The following PCDHGA2 variants were observed in gnomAD, a reference collection of about 807,000 sequenced individuals.
The protein encoded by PCDHGA2 is protocadherin gamma-A2.
A neutral mutation model predicts 59.2 loss-of-function variants in PCDHGA2; 40 were observed. The observed-to-expected ratio is 0.68, with a 90% CI of 0.52 to 0.88. The LOEUF is 0.88. Ranked by LOEUF, PCDHGA2 falls within the 40% of genes least tolerant of loss-of-function variation. The probability of loss-of-function intolerance (pLI) is 0.00; values close to 1 mark genes in which losing one functional copy is unlikely to be tolerated. For synonymous variants in PCDHGA2, 560 were observed against 526.0 expected, an observed-to-expected ratio of 1.06 and a Z score of -0.89; for missense variants, 1,226 against 1,204.0, an observed-to-expected ratio of 1.02 and a Z score of -0.27.
At chr5:141,344,952 C>T (rs746809370) in intron 1 of PCDHGA2, 3 of 1,613,690 alleles carry the variant, frequency 1.9e-6, no homozygotes, top group African/African-American at 1.3e-5. Context: ...ATTAAAAAGT[C>T]TAGATTATGA....
At chr5:141,401,102 G>C (rs1372226488) in intron 1 of PCDHGA2, among the ~76,000 whole-genome samples, 3 of 152,150 alleles carry the variant, frequency 2.0e-5, no homozygotes, top group Non-Finnish European at 4.4e-5. Context: ...CCAGCACTTT[G>C]GGAGGCCGAG....
In PCDHGA2 at chr5:141,362,265, A is replaced by G. The variant is rs1450907640; in HGVS notation, c.2424+20870A>G. The G allele has an allele frequency of 4.3e-6, 7 of 1,613,868 alleles. No homozygotes were observed. The Admixed American group carries it at 6.7e-5, about 15-fold the overall frequency. On this transcript the variant is annotated intron_variant, in intron 1 of 3. Transcript: ENST00000394576. ...TCTTCTTCCTCGCGGTGATTCTGGCAATCTCCCTGCGCCTGCGACTCTCTT... is the reference window on the plus strand; with the variant it reads ...TCTTCTTCCTCGCGGTGATTCTGGCGATCTCCCTGCGCCTGCGACTCTCTT...
At chr5:141,428,147 G>A (rs771536400) in intron 1 of PCDHGA2, 2 of 1,589,610 alleles carry the variant, frequency 1.3e-6, no homozygotes, top group Admixed American at 1.7e-5. Context: ...GGCTGCACAC[G>A]GGAACCTGCT....
At position 141,431,897 on chromosome 5, in the gene PCDHGA2, G is replaced by C. The variant is rs1591112104; in HGVS notation, c.2425-62910G>C. 6.2e-7 allele frequency: 1 copy of C among 1,613,830 alleles called. No homozygotes were observed. The highest frequency in any genetic ancestry group is 8.5e-7 in the Non-Finnish European group (1 of 1,179,704). ...AAATGACCAAGATTCTGAGGAAAAC[G>C]GACAGGTGATCTGTTTCATCCAAGG... On this transcript the variant is annotated intron_variant, in intron 1 of 3. Coordinates refer to ENST00000394576, the MANE Select transcript of PCDHGA2 (RefSeq NM_018915.4). The surrounding 1 kb of genome is among the most constrained non-coding windows in gnomAD (Gnocchi z 4.8).
chr5:141,424,966 T>G (rs913951031), intron 1 of PCDHGA2, among the ~76,000 whole-genome samples: 17 of 152,174 alleles, frequency 1.1e-4, no homozygotes, highest in African/African-American at 3.9e-4. Flanking sequence ...TTGCCCCAAA[T>G]TACTTGGATA....
intron 1 of PCDHGA2, chr5:141,372,461 G>C (rs749088592): frequency 2.5e-6 from 4 of 1,613,922 alleles, no homozygotes; most frequent in Non-Finnish European, 2.5e-6. Context: ...CGGAGCTACA[G>C]TTTCACCTAG....
intron 1 of PCDHGA2, among the ~76,000 whole-genome samples, chr5:141,407,707 G>C (rs894295431): frequency 1.3e-5 from 2 of 151,964 alleles, no homozygotes; most frequent in South Asian, 4.1e-4. Flanking sequence ...TTGAAGGTGG[G>C]GTGATGGCTA....
chr5:141,491,810 G>T lies in PCDHGA2; in HGVS notation c.2425-2997G>T. 1 of 1,486,878 alleles carries T rather than the reference G, an allele frequency of 6.7e-7. No individual in the cohort carries two copies. The allele number at this position is 1,486,878 out of a possible 1,614,324, so 92.1% of individuals were successfully genotyped here. A position where few individuals can be genotyped will look rare whatever the true frequency, so the allele number is the denominator to read the frequency against. ...CCACTCCTCTCCGGCCGGCTTGGTC[G>T]CTGGCTGCGCTCCACCCGATTCTCG... On this transcript the variant is annotated intron_variant, in intron 1 of 3. Coordinates refer to ENST00000394576, the MANE Select transcript of PCDHGA2 (RefSeq NM_018915.4). This position sits in a 1 kb window ranked among gnomAD's most constrained non-coding sequence, Gnocchi z 6.9.
intron 1 of PCDHGA2, chr5:141,484,875 T>G: frequency 3.2e-6 from 1 of 317,108 alleles, no homozygotes; most frequent in Non-Finnish European, 5.8e-6. Context: ...GCGTGGAGGA[T>G]AGGGTGGGCT....
At chr5:141,355,413 G>A (rs1220592912) in intron 1 of PCDHGA2, 1 of 1,614,108 alleles carries the variant, frequency 6.2e-7, no homozygotes, top group East Asian at 2.2e-5. Context: ...CCAGAGGTAG[G>A]ACGCAGCTTT....
At chr5:141,428,606 A>G (rs1270096118) in intron 1 of PCDHGA2, 4 of 216,044 alleles carry the variant, frequency 1.9e-5, no homozygotes, top group Admixed American at 1.6e-4. Context: ...TTCACTGAAG[A>G]GAATAACAAG....
At chr5:141,355,461 G>A (rs769145045) in intron 1 of PCDHGA2, 3 of 1,613,950 alleles carry the variant, frequency 1.9e-6, no homozygotes, top group East Asian at 2.2e-5. Context: ...TGGTCACCGC[G>A]GGTAGGATAG....
At chr5:141,355,003 C>A in intron 1 of PCDHGA2, 1 of 767,012 alleles carries the variant, frequency 1.3e-6, no homozygotes, top group Non-Finnish European at 1.9e-6. Flanking sequence ...GGGGAAAAGA[C>A]AAACCAGAAA....
chr5:141,466,278 T>G (rs1459665755), intron 1 of PCDHGA2, among the ~76,000 whole-genome samples: 1 of 152,128 alleles, frequency 6.6e-6, no homozygotes, highest in Non-Finnish European at 1.5e-5. Context: ...TCAAGCAATC[T>G]TCCCACCTCA....
At chr5:141,376,675 C>CCTTTTTTTT (rs1561575046) in intron 1 of PCDHGA2, 1 of 343,980 alleles carries the variant, frequency 2.9e-6, no homozygotes. Context: ...GTGAGGGTAT[C>CCTTTTTTTT]GTTTTTTTTT....
intron 1 of PCDHGA2, chr5:141,409,866 G>A (rs1268327848): frequency 3.7e-6 from 6 of 1,612,258 alleles, no homozygotes; most frequent in East Asian, 4.5e-5. Context: ...GTGGGAGACC[G>A]CAATGACAAC....
Position 141,421,262 on chromosome 5 carries a change from G to GGCTGCT in PCDHGA2, c.2425-73534_2425-73529dup, listed in dbSNP as rs748368476. 11 of 1,609,598 alleles carry GGCTGCT rather than the reference G, an allele frequency of 6.8e-6. No individual in the cohort carries two copies. The Admixed American group carries it at 8.4e-5, about 12-fold the overall frequency. ...CGGCTACAGCGCGGGGACCGCAGTC[G>GGCTGCT]GCTGCTGCTGCTGCTGTGCATTTTC... is the stretch of plus-strand genomic sequence containing the variant. On this transcript the variant is annotated intron_variant, in intron 1 of 3. Coordinates refer to ENST00000394576, the MANE Select transcript of PCDHGA2 (RefSeq NM_018915.4).
intron 1 of PCDHGA2, among the ~76,000 whole-genome samples, chr5:141,359,701 T>C (rs1588542297): frequency 1.3e-5 from 2 of 152,140 alleles, no homozygotes; most frequent in African/African-American, 2.4e-5. Context: ...TCCGGAAGGA[T>C]ACCTAAGAAA....
At chr5:141,403,770 T>A in intron 1 of PCDHGA2, 1 of 1,613,894 alleles carries the variant, frequency 6.2e-7, no homozygotes, top group Non-Finnish European at 8.5e-7. Flanking sequence ...GATGAGGGAA[T>A]CAACGGAAAA....
Sources: gnomAD v4.1 joint callset for allele counts (sites outside exome capture counted in the v4.1 genomes callset) on GRCh38, gnomAD v4.1.1 for gene constraint, Gnocchi (gnomAD v3.1) non-coding constraint, MANE v1.5 for transcripts, NCBI Gene and HGNC (gene_info 2026-07-23, HGNC 2026-07-21) for gene names.